Variants in SYT10 observed in about 807,000 individuals in gnomAD.
The protein encoded by SYT10 is synaptotagmin 10.
In SYT10, 31 loss-of-function variants were observed where a neutral mutation model predicts 51.1. The ratio of observed to expected loss-of-function variants is 0.61; its 90% CI spans 0.46 to 0.82. The LOEUF (loss-of-function observed/expected upper bound fraction) is 0.82, where lower values mean the gene tolerates loss of function less well. SYT10 is among the 40% of genes least tolerant of loss of function. The probability of loss-of-function intolerance (pLI) is 0.00; values close to 1 mark genes in which losing one functional copy is unlikely to be tolerated. For missense variants in SYT10, 603 were observed against 634.0 expected, an observed-to-expected ratio of 0.95 and a Z score of 0.53; for synonymous variants, 233 against 225.9, an observed-to-expected ratio of 1.03 and a Z score of -0.28.
intron 3 of SYT10, among the ~76,000 whole-genome samples, chr12:33,403,884 T>C (rs1591988893): frequency 6.6e-6 from 1 of 152,148 alleles, no homozygotes; most frequent in African/African-American, 2.4e-5. Context: ...ACTCTAACCA[T>C]AATATTTGGC....
At chr12:33,435,954 T>A (rs1407901818) in intron 1 of SYT10, among the ~76,000 whole-genome samples, 1 of 152,192 alleles carries the variant, frequency 6.6e-6, no homozygotes, top group African/African-American at 2.4e-5. Flanking sequence ...GAATTTTTAG[T>A]CCCAAATTAA....
chr12:33,383,657 A>C (rs1348684676), intron 4 of SYT10, among the ~76,000 whole-genome samples: 1 of 152,144 alleles, frequency 6.6e-6, no homozygotes, highest in Non-Finnish European at 1.5e-5. Context: ...TAGGCCTTCT[A>C]ATGAACAGTG....
intron 3 of SYT10, among the ~76,000 whole-genome samples, chr12:33,402,731 T>C (rs888310436): frequency 3.3e-5 from 5 of 152,150 alleles, no homozygotes; most frequent in Admixed American, 3.3e-4. Flanking sequence ...GAAGATTTTT[T>C]TGGATAAGAT....
At chr12:33,397,995 A>C (rs1429283999) in intron 3 of SYT10, among the ~76,000 whole-genome samples, 1 of 152,100 alleles carries the variant, frequency 6.6e-6, no homozygotes, top group East Asian at 1.9e-4. Flanking sequence ...ACTAACTGCC[A>C]GTTCATAAAG....
chr12:33,426,354 T>G lies in SYT10; in HGVS notation c.293A>C (p.Gln98Pro), dbSNP rs1487039469. The stretch of plus-strand genomic sequence containing the variant: ...TTCAGTAGGAGCACTTGAAATGCTC[T>G]GTGGAAGCGTAGTGATGTTGGAAGT... ...PVTSNITTLPQSISSAPTEVF... is the reference protein window; with the variant it reads ...PVTSNITTLPPSISSAPTEVF... Residue 98 changes from glutamine (Q) to proline (P), a missense_variant, in exon 2 of 7, where the codon CAG becomes CCG. Physicochemically the swap from Gln to Pro is moderately conservative, Grantham distance 76. Coordinates refer to ENST00000228567, the MANE Select transcript of SYT10 (RefSeq NM_198992.4). 6 of 1,614,058 alleles carry G rather than the reference T, an allele frequency of 3.7e-6. No homozygotes were observed. The highest frequency in any genetic ancestry group is 5.1e-6 in the Non-Finnish European group (6 of 1,180,038).
rs746474987 is a variant in SYT10 at position 33,439,547 on chromosome 12, C to CTT, written c.-27_-26dup. The CTT allele has an allele frequency of 6.2e-7, 1 of 1,609,712 alleles. No homozygotes were observed. ...TCGTTTGGCTTTTCTTTCGTTTTCT[C>CTT]TTTTTTTCCCAGTTAGCCGTCTTTT... is the stretch of plus-strand genomic sequence containing the variant. On this transcript the variant is annotated 5_prime_UTR_variant, in exon 1 of 7. Transcript: ENST00000228567.
chr12:33,388,362 C>T (rs1435823749), intron 3 of SYT10, among the ~76,000 whole-genome samples: 1 of 152,034 alleles, frequency 6.6e-6, no homozygotes, highest in Non-Finnish European at 1.5e-5. Context: ...ATCCAAAATG[C>T]TTAAAATGTT....
chr12:33,385,705 T>C (rs1866151554), intron 3 of SYT10, among the ~76,000 whole-genome samples: 1 of 152,192 alleles, frequency 6.6e-6, no homozygotes, highest in Non-Finnish European at 1.5e-5. Context: ...GTCTACACTA[T>C]CTACAAAATA....
intron 2 of SYT10, among the ~76,000 whole-genome samples, chr12:33,423,005 G>A (rs1866518877): frequency 6.6e-6 from 1 of 152,136 alleles, no homozygotes; most frequent in Admixed American, 6.5e-5. Context: ...CAATCAAGAT[G>A]ACACTTGAAG....
chr12:33,379,694 G>C lies in SYT10; in HGVS notation c.1500+138C>G, dbSNP rs1436661100. Reference sequence around the variant, plus strand: ...GAATATTAAATGTTAGACAATGTGGGACAAAAGCAAGAACAATCTTTTCTA... The same window carrying C: ...GAATATTAAATGTTAGACAATGTGGCACAAAAGCAAGAACAATCTTTTCTA... On this transcript the variant is annotated intron_variant, in intron 6 of 6. Coordinates refer to ENST00000228567, the MANE Select transcript of SYT10 (RefSeq NM_198992.4). 14 of 1,196,822 alleles carry C rather than the reference G, an allele frequency of 1.2e-5. No individual in the cohort carries two copies. In the Middle Eastern group the frequency reaches 8.4e-4, roughly 72 times the overall value. 74.1% of individuals were successfully genotyped at this position (1,196,822 alleles called of 1,614,324 possible).
intron 2 of SYT10, among the ~76,000 whole-genome samples, chr12:33,423,202 T>C (rs1325814667): frequency 3.9e-5 from 6 of 152,030 alleles, no homozygotes; most frequent in Non-Finnish European, 2.9e-5. Context: ...AAGTAAAACT[T>C]GAAAGACTAT....
intron 2 of SYT10, among the ~76,000 whole-genome samples, chr12:33,423,744 A>G (rs11052692): frequency 3.6e-4 from 55 of 152,242 alleles, no homozygotes; most frequent in African/African-American, 1.3e-3. Context: ...AACATATTTA[A>G]TTGCAGGAAA....
intron 3 of SYT10, among the ~76,000 whole-genome samples, chr12:33,394,817 G>A (rs10844575): frequency 0.2 from 30,377 of 152,168 alleles, 3,294 homozygotes; most frequent in South Asian, 0.26. Flanking sequence ...ACACAGGCAC[G>A]GTGGCTCACG....
chr12:33,390,621 G>A lies in SYT10; in HGVS notation c.1078-5330C>T, dbSNP rs536945426. 2.0e-4 allele frequency among the ~76,000 whole-genome samples: 30 copies of A among 152,094 alleles called. No individual in the cohort carries two copies. In the South Asian group the frequency reaches 6.0e-3, roughly 31 times the overall value. ...AAGGTAGATAGCAAACATGTAAAGT[G>A]CCTGGTGTAAACATATATACATGTA... On this transcript the variant is annotated intron_variant, in intron 3 of 6. Transcript: ENST00000228567.
chr12:33,419,623 TAAG>T (rs1348180629), intron 2 of SYT10, among the ~76,000 whole-genome samples: 1 of 152,204 alleles, frequency 6.6e-6, no homozygotes, highest in Non-Finnish European at 1.5e-5. Flanking sequence ...CCTACTGTGC[TAAG>T]GAGGCAATTC....
chr12:33,385,344 A>C (rs1217112102), intron 3 of SYT10, 53 bp from the exon 4 acceptor site: 2 of 1,595,636 alleles, frequency 1.3e-6, no homozygotes, highest in Non-Finnish European at 1.7e-6. Context: ...GGTGAAAACC[A>C]AAAATAATCA....
chr12:33,385,205 TC>T lies in SYT10; in HGVS notation c.1163del (p.Arg388LysfsTer3). The T allele has an allele frequency of 1.2e-6, 2 of 1,613,794 alleles. No homozygotes were observed. The highest frequency in any genetic ancestry group is 1.7e-6 in the Non-Finnish European group (2 of 1,179,776). On this transcript the variant is annotated frameshift_variant, in exon 4 of 7. Transcript: ENST00000228567. LOFTEE classifies it high-confidence loss of function. ...GRMTLTVIKC[R>X]NLKAMDITGS... ...CAGTAATATCCATCGCCTTCAGATT[TC>T]TGCACTTAATGACTGTCAATGTCAT... is the stretch of plus-strand genomic sequence containing the variant.
intron 5 of SYT10, among the ~76,000 whole-genome samples, chr12:33,380,353 C>T (rs1866103293): frequency 6.6e-6 from 1 of 152,038 alleles, no homozygotes; most frequent in African/African-American, 2.4e-5. Flanking sequence ...TGTTTTATAA[C>T]GATGTTTAGA....
At chr12:33,404,631 T>C (rs892314510) in intron 3 of SYT10, among the ~76,000 whole-genome samples, 6 of 152,152 alleles carry the variant, frequency 3.9e-5, no homozygotes, top group Non-Finnish European at 7.3e-5. Context: ...GACCTCGTGA[T>C]CCACCCACCT....
Sources: gnomAD v4.1 joint callset for allele counts (sites outside exome capture counted in the v4.1 genomes callset) on GRCh38, gnomAD v4.1.1 for gene constraint, MANE v1.5 for transcripts, NCBI Gene and HGNC (gene_info 2026-07-23, HGNC 2026-07-21) for gene names.